Variants in PPP4R1 observed in about 807,000 individuals in gnomAD.
The protein encoded by PPP4R1 is protein phosphatase 4 regulatory subunit 1, also known as serine/threonine-protein phosphatase 4 regulatory subunit 1.
In PPP4R1, 42 loss-of-function variants were observed where a neutral mutation model predicts 111.2. The ratio of observed to expected loss-of-function variants is 0.38; its 90% CI spans 0.29 to 0.49. PPP4R1 has a LOEUF of 0.49. Among genes scored for constraint, PPP4R1 ranks in the 20% least tolerant of loss-of-function variants. PPP4R1 has a pLI of 0.97. For synonymous variants in PPP4R1, 409 were observed against 405.5 expected (o/e 1.01, Z -0.10); for missense variants, 1,012 against 1,161.6 (o/e 0.87, Z 1.87).
chr18:9,557,127 C>T, intron 15 of PPP4R1, 94 bp downstream of exon 15: 1 of 1,251,190 alleles, frequency 8.0e-7, no homozygotes, highest in South Asian at 1.6e-5. Context: ...TACATAGAAA[C>T]ACAAAGAAAC....
intron 10 of PPP4R1, among the ~76,000 whole-genome samples, chr18:9,571,034 G>C (rs1568100690): frequency 6.6e-6 from 1 of 152,048 alleles, no homozygotes; most frequent in Non-Finnish European, 1.5e-5. Flanking sequence ...ATCATTTTAA[G>C]ATACATAACA....
chr18:9,579,743 T>A (rs1255852071), intron 9 of PPP4R1, among the ~76,000 whole-genome samples: 1 of 152,220 alleles, frequency 6.6e-6, no homozygotes, highest in African/African-American at 2.4e-5. Context: ...AACAATTACT[T>A]ACATAGCATT....
chr18:9,609,069 T>TC (rs2067533710), intron 2 of PPP4R1, among the ~76,000 whole-genome samples: 1 of 152,138 alleles, frequency 6.6e-6, no homozygotes, highest in African/African-American at 2.4e-5. Flanking sequence ...TCTCTCTCTC[T>TC]TTCAATTTTA....
chr18:9,614,861 G>A (rs1232003090), upstream of PPP4R1: 1 of 150,156 alleles, frequency 6.7e-6, no homozygotes, highest in Non-Finnish European at 1.5e-5. The surrounding 1 kb of genome is among the most constrained non-coding windows in gnomAD (Gnocchi z 4.1). Context: ...GCCGCCGGCC[G>A]GGACCCTGCG....
Position 9,584,839 on chromosome 18 carries a change from T to A in PPP4R1, c.586-11A>T, listed in dbSNP as rs761250918. ...CATTTTGCACATTATCTAAAATAAGTAAGAACAAACACACACTGAAAATAT... is the reference window on the plus strand; with the variant it reads ...CATTTTGCACATTATCTAAAATAAGAAAGAACAAACACACACTGAAAATAT... On this transcript the variant is annotated splice_polypyrimidine_tract_variant and intron_variant, in intron 6 of 19. Coordinates refer to ENST00000400556, the MANE Select transcript of PPP4R1 (RefSeq NM_001042388.3). 1 of 1,581,418 alleles carries A rather than the reference T, an allele frequency of 6.3e-7. No homozygotes were observed. The highest frequency in any genetic ancestry group is 8.7e-7 in the Non-Finnish European group (1 of 1,154,050).
chr18:9,577,620 T>C (rs1160792900), intron 9 of PPP4R1, among the ~76,000 whole-genome samples: 1 of 152,096 alleles, frequency 6.6e-6, no homozygotes, highest in Non-Finnish European at 1.5e-5. Context: ...TGAGCCGTGA[T>C]CACACCACTG....
chr18:9,595,256 A>G, intron 2 of PPP4R1, 103 bp from the exon 3 acceptor site: 4 of 1,245,900 alleles, frequency 3.2e-6, no homozygotes, highest in Non-Finnish European at 4.4e-6. Context: ...GGTACAAAAA[A>G]AAAATCACAA....
intron 2 of PPP4R1, among the ~76,000 whole-genome samples, chr18:9,609,355 A>G (rs1271858937): frequency 6.7e-6 from 1 of 150,194 alleles, no homozygotes; most frequent in Non-Finnish European, 1.5e-5. Flanking sequence ...TACCAGATAC[A>G]GCCCCAATAT....
rs543692292 is a variant in PPP4R1, at chr18:9,570,482, C to T, written c.1248G>A (p.Gln416=). ...TATCATTCTCATTACTAGCTGCTTC[C>T]TGGTGAGATTCTGAGGACAAAGTAC... The part of the protein sequence containing the change: ...LLCTLSSESH[Q]EAASNENDKK... Residue 416 remains glutamine (Q), a synonymous_variant, in exon 11 of 20, where the codon CAG becomes CAA. Coordinates refer to ENST00000400556, the MANE Select transcript of PPP4R1 (RefSeq NM_001042388.3). 6.2e-7 allele frequency: 1 copy of T among 1,614,156 alleles called. No individual in the cohort carries two copies. Among genetic ancestry groups the T allele is most frequent in the East Asian group, 2.2e-5 (1 of 44,888 alleles).
chr18:9,551,294 C>G (rs2144971804), intron 16 of PPP4R1: 1 of 152,288 alleles, frequency 6.6e-6, no homozygotes, highest in East Asian at 1.9e-4. Context: ...CCTAACTTCC[C>G]AAGATGGGAA....
chr18:9,564,730 G>GTT (rs879749529), intron 11 of PPP4R1, among the ~76,000 whole-genome samples: 22,144 of 80,416 alleles, frequency 0.28, 1,993 homozygotes, highest in East Asian at 0.47. Flanking sequence ...GTGTGTGTGT[G>GTT]TGTGTGTGGG....
intron 5 of PPP4R1, 54 bp downstream of exon 5, chr18:9,588,657 C>A: frequency 6.8e-7 from 1 of 1,472,552 alleles, no homozygotes; most frequent in South Asian, 1.3e-5. Context: ...CGGCTATTCT[C>A]CATATATTAC....
chr18:9,573,957 G>C (rs1009620722), intron 10 of PPP4R1, among the ~76,000 whole-genome samples: 5 of 152,162 alleles, frequency 3.3e-5, no homozygotes, highest in African/African-American at 1.2e-4. Flanking sequence ...ATTGTGGACA[G>C]AACTACAGCA....
At chr18:9,559,104 A>C (rs75814500) in intron 14 of PPP4R1, among the ~76,000 whole-genome samples, 2,682 of 152,328 alleles carry the variant, frequency 0.018, 45 homozygotes, top group Non-Finnish European at 0.028. Context: ...CTAGGTGAAA[A>C]ATTAAATCCT....
At chr18:9,602,367 TAAAAA>T (rs11324056) in intron 2 of PPP4R1, among the ~76,000 whole-genome samples, 2 of 45,178 alleles carry the variant, frequency 4.4e-5, no homozygotes, top group African/African-American at 1.0e-4. Context: ...CCATCTCTAC[TAAAAA>T]AAAAAAAAAA....
chr18:9,584,646 T>C (rs1189318071), intron 7 of PPP4R1, 66 bp from the exon 8 acceptor site: 3 of 1,601,700 alleles, frequency 1.9e-6, no homozygotes, highest in Non-Finnish European at 2.6e-6. Context: ...GATAATCTTT[T>C]AAATATCATG....
chr18:9,592,855 T>C (rs1009200983), intron 4 of PPP4R1, among the ~76,000 whole-genome samples: 1 of 152,194 alleles, frequency 6.6e-6, no homozygotes, highest in African/African-American at 2.4e-5. Context: ...TTATGCTTGA[T>C]GAGACCCCTC....
intron 14 of PPP4R1, among the ~76,000 whole-genome samples, chr18:9,558,605 CT>C (rs2066624101): frequency 6.6e-6 from 1 of 151,964 alleles, no homozygotes; most frequent in African/African-American, 2.4e-5. Flanking sequence ...TTATAACTTG[CT>C]GAGTCAACAG....
chr18:9,573,642 G>C (rs1487362163), intron 10 of PPP4R1, among the ~76,000 whole-genome samples: 5 of 152,222 alleles, frequency 3.3e-5, no homozygotes, highest in Admixed American at 6.5e-5. Context: ...CTGTAGCCCA[G>C]GCTGGTGTAA....
Sources: gnomAD v4.1 joint callset for allele counts (sites outside exome capture counted in the v4.1 genomes callset) on GRCh38, gnomAD v4.1.1 for gene constraint, Gnocchi (gnomAD v3.1) non-coding constraint, MANE v1.5 for transcripts, NCBI Gene and HGNC (gene_info 2026-07-23, HGNC 2026-07-21) for gene names.